Variants in CCNY observed in about 807,000 individuals in gnomAD.
CCNY encodes the protein cyclin-Y.
Under a neutral mutation model 42.8 loss-of-function variants are expected in CCNY, and 19 were observed. The observed-to-expected ratio is 0.44, with a 90% CI of 0.31 to 0.65. CCNY has a LOEUF of 0.65. Ranked by LOEUF, CCNY falls within the 30% of genes least tolerant of loss-of-function variation. The pLI, the probability that CCNY is intolerant of heterozygous loss-of-function variation, is 0.07. For synonymous variants in CCNY, 165 were observed against 162.7 expected, an observed-to-expected ratio of 1.01 and a Z score of -0.11; for missense variants, 370 against 437.3, an observed-to-expected ratio of 0.85 and a Z score of 1.37.
chr10:35,266,599 G>T (rs918818749), intron 3 of CCNY, among the ~76,000 whole-genome samples: 1 of 152,038 alleles, frequency 6.6e-6, no homozygotes, highest in East Asian at 1.9e-4. Flanking sequence ...TAAACGAACC[G>T]AACAGAATGT....
chr10:35,323,739 C>T (rs143503360), intron 3 of CCNY, among the ~76,000 whole-genome samples: 1 of 152,204 alleles, frequency 6.6e-6, no homozygotes, highest in Non-Finnish European at 1.5e-5. Context: ...CAAACTGTGG[C>T]CTGGCGTGGT....
intron 3 of CCNY, among the ~76,000 whole-genome samples, chr10:35,294,069 C>T (rs1216535624): frequency 1.3e-5 from 2 of 152,146 alleles, no homozygotes; most frequent in Non-Finnish European, 2.9e-5. Context: ...GGATTACAGG[C>T]GTGAGCCACT....
chr10:35,309,831 G>A (rs983864072), intron 3 of CCNY, among the ~76,000 whole-genome samples: 8 of 151,842 alleles, frequency 5.3e-5, no homozygotes, highest in African/African-American at 1.5e-4. Flanking sequence ...ACAGAGTCTC[G>A]CTCTGTCGCC....
chr10:35,264,897 G>A (rs1372189566), intron 3 of CCNY, among the ~76,000 whole-genome samples: 3 of 152,040 alleles, frequency 2.0e-5, no homozygotes, highest in African/African-American at 7.2e-5. Context: ...CCAAAGTGCT[G>A]GGATTACAGG....
intron 8 of CCNY, among the ~76,000 whole-genome samples, chr10:35,564,659 A>C (rs773030923): frequency 1.3e-5 from 2 of 152,134 alleles, no homozygotes; most frequent in Non-Finnish European, 2.9e-5. Context: ...GAGGCCCTGC[A>C]CTAGGGCCCT....
chr10:35,529,901 A>T, intron 5 of CCNY, 72 bp from the exon 6 acceptor site: 21 of 1,360,342 alleles, frequency 1.5e-5, no homozygotes, highest in Non-Finnish European at 2.0e-5. Flanking sequence ...TTGAATTAAA[A>T]TGTATTTTTG....
chr10:35,339,282 A>G (rs1042889170), intron 1 of CCNY, among the ~76,000 whole-genome samples: 5 of 152,198 alleles, frequency 3.3e-5, no homozygotes, highest in East Asian at 1.9e-4. Context: ...AATCTCTCCA[A>G]GGTGATTCTG....
chr10:35,253,652 T>C (rs2095713509), intron 3 of CCNY, among the ~76,000 whole-genome samples: 1 of 151,882 alleles, frequency 6.6e-6, no homozygotes, highest in Non-Finnish European at 1.5e-5. Flanking sequence ...TCGAGTTCTC[T>C]GAAAATATTC....
At chr10:35,294,654 C>T (rs1292616471) in intron 3 of CCNY, among the ~76,000 whole-genome samples, 3 of 152,150 alleles carry the variant, frequency 2.0e-5, no homozygotes, top group Non-Finnish European at 2.9e-5. Flanking sequence ...TGGCTGGTTT[C>T]ACTTTTCTAG....
chr10:35,506,078 T>C (rs1174334201), intron 3 of CCNY, among the ~76,000 whole-genome samples: 1 of 152,248 alleles, frequency 6.6e-6, no homozygotes, highest in Non-Finnish European at 1.5e-5. Flanking sequence ...ATTTTAAATC[T>C]TGCTTTTGCC....
chr10:35,479,624 G>T (rs1184762699), intron 1 of CCNY, among the ~76,000 whole-genome samples: 2 of 136,274 alleles, frequency 1.5e-5, no homozygotes, highest in East Asian at 5.0e-4. Context: ...GGGGAGGGGG[G>T]GGAGGGATAG....
intron 1 of CCNY, among the ~76,000 whole-genome samples, chr10:35,402,937 G>T (rs1837675096): frequency 6.6e-6 from 1 of 152,156 alleles, no homozygotes; most frequent in South Asian, 2.1e-4. Flanking sequence ...GAAGAATTAT[G>T]TCTGACAGAA....
Position 35,444,719 on chromosome 10 carries a change from G to A in CCNY, c.155-38685G>A, listed in dbSNP as rs111957673. 6.8e-3 allele frequency among the ~76,000 whole-genome samples: 1,035 copies of A among 152,340 alleles called. 11 individuals carry two copies. The highest frequency in any genetic ancestry group is 0.024 in the African/African-American group (987 of 41,574). On this transcript the variant is annotated intron_variant, in intron 1 of 9. Coordinates refer to ENST00000374704, the MANE Select transcript of CCNY (RefSeq NM_145012.6). ...TGCAGTCTGTTGACCAAAACGTTAC[G>A]CAGTGCATGACTGAATTTTTGTTTT...
chr10:35,437,499 C>T (rs116014933), intron 1 of CCNY, among the ~76,000 whole-genome samples: 2 of 151,884 alleles, frequency 1.3e-5, no homozygotes, highest in South Asian at 2.1e-4. Flanking sequence ...ACAAAAAATA[C>T]GAAAATTAAC....
At chr10:35,418,887 C>T (rs954493178) in intron 1 of CCNY, among the ~76,000 whole-genome samples, 2 of 151,686 alleles carry the variant, frequency 1.3e-5, no homozygotes, top group African/African-American at 4.8e-5. Flanking sequence ...GTGGCGCTAT[C>T]TCTGCTCACT....
rs114226352 is a variant in CCNY, at chr10:35,397,092, T to G, written c.154+59885T>G. On this transcript the variant is annotated intron_variant, in intron 1 of 9. Coordinates refer to ENST00000374704, the MANE Select transcript of CCNY (RefSeq NM_145012.6). ...CTTTACCACATAGCCCTGTTCTTCC[T>G]AGGGCTGGGGTCCCTCTGCCACTGC... 2.2e-3 allele frequency among the ~76,000 whole-genome samples: 332 copies of G among 152,292 alleles called. 1 individual carries two copies. Among genetic ancestry groups the G allele is most frequent in the African/African-American group, 7.6e-3 (316 of 41,544 alleles).
At chr10:35,406,200 AT>A (rs1443305412) in intron 1 of CCNY, among the ~76,000 whole-genome samples, 9 of 104,472 alleles carry the variant, frequency 8.6e-5, no homozygotes, top group East Asian at 2.6e-4. Flanking sequence ...TTTCTTTTTT[AT>A]TTTATTTATT....
chr10:35,538,347 T>C (rs1840927697), intron 7 of CCNY, among the ~76,000 whole-genome samples: 1 of 152,236 alleles, frequency 6.6e-6, no homozygotes, highest in South Asian at 2.1e-4. Context: ...GTGGAATTGC[T>C]GGGTCATATG....
chr10:35,373,817 G>C (rs565279201), intron 1 of CCNY, among the ~76,000 whole-genome samples: 21 of 152,262 alleles, frequency 1.4e-4, no homozygotes, highest in African/African-American at 4.8e-4. Flanking sequence ...TCAACAGGAG[G>C]CTATTAGTTA....
Sources: gnomAD v4.1 joint callset for allele counts (sites outside exome capture counted in the v4.1 genomes callset) on GRCh38, gnomAD v4.1.1 for gene constraint, MANE v1.5 for transcripts, NCBI Gene and HGNC (gene_info 2026-07-23, HGNC 2026-07-21) for gene names.